The following WSCD2 variants were observed in gnomAD, a reference collection of about 807,000 sequenced individuals.
WSCD2 encodes WSC domain sialate O sulfotransferase 2.
Under a neutral mutation model 55.7 loss-of-function variants are expected in WSCD2, and 28 were observed. The ratio of observed to expected loss-of-function variants is 0.50; its 90% CI spans 0.37 to 0.69. The LOEUF (loss-of-function observed/expected upper bound fraction) is 0.69, where lower values mean the gene tolerates loss of function less well. WSCD2 is among the 30% of genes least tolerant of loss of function. The pLI is 0.00. For missense variants in WSCD2, 616 were observed against 762.1 expected, an observed-to-expected ratio of 0.81 and a Z score of 2.26; for synonymous variants, 301 against 301.9, an observed-to-expected ratio of 1.00 and a Z score of 0.03.
intron 1 of WSCD2, among the ~76,000 whole-genome samples, chr12:108,181,414 C>T (rs1203053861): frequency 3.3e-5 from 5 of 152,214 alleles, no homozygotes; most frequent in Admixed American, 6.5e-5. Context: ...GATACAAGAC[C>T]GCCCCAGTTC....
intron 1 of WSCD2, among the ~76,000 whole-genome samples, chr12:108,138,154 T>A (rs534404512): frequency 6.6e-6 from 1 of 152,190 alleles, no homozygotes; most frequent in Non-Finnish European, 1.5e-5. Context: ...GGTGGGCACA[T>A]GCAGAAACCA....
Position 108,206,391 on chromosome 12 carries a change from A to C in WSCD2, c.485A>C (p.Asn162Thr). The change falls in exon 3 of 9, where the codon AAC (asparagine) becomes ACC (threonine). Residue 162 changes from asparagine (N) to threonine (T), a missense_variant. By Grantham distance (65) the Asn-to-Thr change is moderately conservative. Coordinates refer to ENST00000547525, the MANE Select transcript of WSCD2 (RefSeq NM_014653.4). ...KKMTIFRCQD[N>T]CAERGYLYGG... ...ATGACCATCTTCCGTTGCCAGGACAACTGTGCTGAACGGTAGGGTCCCAGC... is the reference window on the plus strand; with the variant it reads ...ATGACCATCTTCCGTTGCCAGGACACCTGTGCTGAACGGTAGGGTCCCAGC... The C allele has an allele frequency of 6.2e-7, 1 of 1,614,226 alleles. No individual in the cohort carries two copies. The highest frequency in any genetic ancestry group is 8.5e-7 in the Non-Finnish European group (1 of 1,180,038).
intron 2 of WSCD2, among the ~76,000 whole-genome samples, chr12:108,201,665 T>C (rs1884698802): frequency 6.6e-6 from 1 of 152,162 alleles, no homozygotes; most frequent in South Asian, 2.1e-4. Flanking sequence ...AACCCAGATC[T>C]GGTTAGATCT....
intron 1 of WSCD2, among the ~76,000 whole-genome samples, chr12:108,188,472 G>A (rs1882786387): frequency 6.6e-6 from 1 of 152,126 alleles, no homozygotes; most frequent in African/African-American, 2.4e-5. Flanking sequence ...GGAAGGGTGT[G>A]TCCCAGAGAG....
At chr12:108,197,178 C>A (rs1001908445) in intron 2 of WSCD2, 1 of 152,190 alleles carries the variant, frequency 6.6e-6, no homozygotes, top group Admixed American at 6.5e-5. Flanking sequence ...CCAATCAAGG[C>A]AGATGGAAAA....
rs183169972 is a variant in WSCD2 at position 108,179,914 on chromosome 12, G to A, written c.-551-15368G>A. The stretch of plus-strand genomic sequence containing the variant: ...AAAAATTAGCTGGGCGTGGTGGCAG[G>A]TGCCTGTAATCCCAGCTACTTGGGA... On this transcript the variant is annotated intron_variant, in intron 1 of 8. Coordinates refer to ENST00000547525, the MANE Select transcript of WSCD2 (RefSeq NM_014653.4). Among the ~76,000 whole-genome samples the A allele has an allele frequency of 2.8e-3, 423 of 152,106 alleles. 1 individual carries two copies. Among genetic ancestry groups the A allele is most frequent in the Non-Finnish European group, 4.5e-3 (309 of 67,986 alleles).
chr12:108,166,875 G>T, intron 1 of WSCD2, among the ~76,000 whole-genome samples: 1 of 141,942 alleles, frequency 7.0e-6, no homozygotes, highest in South Asian at 2.3e-4. Flanking sequence ...GTAGTTCCAT[G>T]ATCTTGGCTC....
intron 7 of WSCD2, among the ~76,000 whole-genome samples, chr12:108,233,340 C>T (rs1394523019): frequency 1.3e-5 from 2 of 152,174 alleles, no homozygotes; most frequent in South Asian, 2.1e-4. Flanking sequence ...ACATTTAAGT[C>T]GACAATATTC....
At position 108,132,698 on chromosome 12, in the gene WSCD2, G is replaced by C. The variant is rs779848081; in HGVS notation, c.-552+2772G>C. Among the ~76,000 whole-genome samples the C allele has an allele frequency of 6.7e-4, 102 of 152,212 alleles. 2 individuals carry two copies. Among genetic ancestry groups the C allele is most frequent in the Non-Finnish European group, 1.8e-4 (12 of 68,040 alleles). On this transcript the variant is annotated intron_variant, in intron 1 of 8. Coordinates refer to ENST00000547525, the MANE Select transcript of WSCD2 (RefSeq NM_014653.4). ...GTGTGTGCTCTAGGGGATCTGTGCA[G>C]AAATATCCGTGTTTAAGAAGCTATA...
chr12:108,155,017 G>A (rs1046748233), intron 1 of WSCD2, among the ~76,000 whole-genome samples: 2 of 152,180 alleles, frequency 1.3e-5, no homozygotes, highest in Non-Finnish European at 2.9e-5. Flanking sequence ...ACGGGGTAAT[G>A]TTGTGGAAAG....
At chr12:108,168,839 TGG>T (rs1184093090) in intron 1 of WSCD2, among the ~76,000 whole-genome samples, 1 of 152,230 alleles carries the variant, frequency 6.6e-6, no homozygotes, top group Admixed American at 6.5e-5. Flanking sequence ...GCAATGTTCC[TGG>T]TGTATAGCAA....
chr12:108,172,259 G>A (rs1325242741), intron 1 of WSCD2, among the ~76,000 whole-genome samples: 6 of 152,148 alleles, frequency 3.9e-5, no homozygotes, highest in East Asian at 1.9e-4. Flanking sequence ...GTCTGTGCTC[G>A]TGATCACTTG....
At chr12:108,200,877 T>C (rs907901161) in intron 2 of WSCD2, among the ~76,000 whole-genome samples, 11 of 152,108 alleles carry the variant, frequency 7.2e-5, no homozygotes, top group South Asian at 2.1e-4. Context: ...AGCCTAGATA[T>C]GAGCAGGAAA....
intron 6 of WSCD2, among the ~76,000 whole-genome samples, chr12:108,227,934 G>GAGTTTCTTGAGGTCTTA (rs1888321563): frequency 6.6e-6 from 1 of 151,994 alleles, no homozygotes; most frequent in South Asian, 2.1e-4. Flanking sequence ...GCAACACTTG[G>GAGTTTCTTGAGGTCTTA]AGTTTCTTGA....
At position 108,196,031 on chromosome 12, in the gene WSCD2, T is replaced by C; in HGVS notation, c.199T>C (p.Leu67=). ...GPAEGAELSF[L]GDMHLGRGFR... ...AGCTGAGGGTGCTGAGCTGTCCTTC[T>C]TGGGTGACATGCATCTGGGCAGAGG... Residue 67 remains leucine (L), a synonymous_variant, in exon 2 of 9, where the codon TTG becomes CTG. Coordinates refer to ENST00000547525, the MANE Select transcript of WSCD2 (RefSeq NM_014653.4). The C allele has an allele frequency of 5.0e-6, 8 of 1,614,220 alleles. No homozygotes were observed. The highest frequency in any genetic ancestry group is 6.8e-6 in the Non-Finnish European group (8 of 1,180,034).
chr12:108,156,848 C>T (rs1020550042), intron 1 of WSCD2, among the ~76,000 whole-genome samples: 1 of 152,226 alleles, frequency 6.6e-6, no homozygotes, highest in East Asian at 1.9e-4. Flanking sequence ...TCCTCTAAGT[C>T]TAGAAACTCT....
At chr12:108,140,415 A>G (rs1379360347) in intron 1 of WSCD2, among the ~76,000 whole-genome samples, 1 of 152,158 alleles carries the variant, frequency 6.6e-6, no homozygotes, top group Non-Finnish European at 1.5e-5. Context: ...CTTACTGTCT[A>G]TGAGCAGAGT....
chr12:108,139,316 A>G (rs747934045), intron 1 of WSCD2, among the ~76,000 whole-genome samples: 8 of 152,292 alleles, frequency 5.3e-5, no homozygotes, highest in Non-Finnish European at 1.0e-4. Flanking sequence ...ACTTGTAGTA[A>G]TTCTAGGAGG....
chr12:108,248,632 A>C lies in WSCD2; in HGVS notation c.*289A>C. ...TTCTGTCTCCTGGGTCCCTGCCCCC[A>C]CCACTCTGGGTTCCATTTGTGGGAG... On this transcript the variant is annotated 3_prime_UTR_variant, in exon 9 of 9. Coordinates refer to ENST00000547525, the MANE Select transcript of WSCD2 (RefSeq NM_014653.4). The surrounding 1 kb of genome is among the most constrained non-coding windows in gnomAD (Gnocchi z 4.3). The C allele has an allele frequency of 8.7e-7, 1 of 1,143,790 alleles. No homozygotes were observed. Among genetic ancestry groups the C allele is most frequent in the Non-Finnish European group, 1.1e-6 (1 of 926,320 alleles). The allele number at this position is 1,143,790 out of a possible 1,614,324, so 70.9% of individuals were successfully genotyped here.
Sources: allele counts gnomAD v4.1 joint callset (sites outside exome capture counted in the v4.1 genomes callset), GRCh38; gene constraint gnomAD v4.1.1; non-coding constraint Gnocchi (gnomAD v3.1); transcripts MANE v1.5; gene names NCBI Gene and HGNC (gene_info 2026-07-23, HGNC 2026-07-21).